Variants in FASTKD1 observed in about 807,000 individuals in gnomAD.
The protein encoded by FASTKD1 is FAST kinase domain-containing protein 1, mitochondrial.
In FASTKD1, 94 loss-of-function variants were observed where a neutral mutation model predicts 90.9. The observed-to-expected ratio is 1.03, with a 90% CI of 0.88 to 1.23. The LOEUF (loss-of-function observed/expected upper bound fraction) is 1.23. Ranked by LOEUF, FASTKD1 falls within the 50% of genes most tolerant of loss-of-function variation. The probability of loss-of-function intolerance (pLI) is 0.00; values close to 1 mark genes in which losing one functional copy is unlikely to be tolerated. For missense variants in FASTKD1, 945 were observed against 993.5 expected, an observed-to-expected ratio of 0.95 and a Z score of 0.66; for synonymous variants, 319 against 345.8, an observed-to-expected ratio of 0.92 and a Z score of 0.86.
chr2:169,552,654 A>T (rs1377281503), intron 7 of FASTKD1, among the ~76,000 whole-genome samples: 5 of 152,156 alleles, frequency 3.3e-5, no homozygotes, highest in Admixed American at 3.3e-4. Context: ...GGGAAAATAA[A>T]AAATTGTATA....
At chr2:169,568,070 G>A (rs1308888482) in intron 3 of FASTKD1, among the ~76,000 whole-genome samples, 7 of 152,098 alleles carry the variant, frequency 4.6e-5, no homozygotes, top group African/African-American at 7.2e-5. Flanking sequence ...GCTGAAAATA[G>A]AGCTGTGTAC....
intron 3 of FASTKD1, among the ~76,000 whole-genome samples, chr2:169,565,778 A>G (rs931983763): frequency 1.3e-5 from 2 of 152,186 alleles, no homozygotes; most frequent in Non-Finnish European, 2.9e-5. Flanking sequence ...TGTTCTCCAT[A>G]GAGCTTATAC....
chr2:169,554,833 T>G (rs1685671361), intron 7 of FASTKD1, among the ~76,000 whole-genome samples: 1 of 152,202 alleles, frequency 6.6e-6, no homozygotes, highest in South Asian at 2.1e-4. Flanking sequence ...TCCCAATCTT[T>G]TCATGGTGAC....
chr2:169,536,995 ATTT>A (rs769352998), intron 12 of FASTKD1: 14 of 239,854 alleles, frequency 5.8e-5, no homozygotes, highest in South Asian at 3.4e-4. Flanking sequence ...ACTGACCTTA[ATTT>A]TTTTTTTTTT....
intron 2 of FASTKD1, among the ~76,000 whole-genome samples, chr2:169,570,102 G>A (rs959950875): frequency 4.6e-5 from 7 of 151,942 alleles, no homozygotes; most frequent in Non-Finnish European, 8.8e-5. Context: ...CAACTTACAC[G>A]TCTCTAACTT....
chr2:169,556,750 G>C (rs181702628), intron 6 of FASTKD1, among the ~76,000 whole-genome samples: 1 of 151,966 alleles, frequency 6.6e-6, no homozygotes, highest in African/African-American at 2.4e-5. Context: ...GCTTGAACCC[G>C]TCTGGGGCAG....
Position 169,560,500 on chromosome 2 carries a change from A to T in FASTKD1, c.858T>A (p.Ile286=), listed in dbSNP as rs1683537469. 6.2e-7 allele frequency: 1 copy of T among 1,602,020 alleles called. No individual in the cohort carries two copies. Among genetic ancestry groups the T allele is most frequent in the Non-Finnish European group, 8.5e-7 (1 of 1,174,230 alleles). ...KFLQFNSFEF[I]IMAKKKLTEM... ...CAGTTAGCTTCTTTTTAGCCATTATAATAAATTCAAAACTATTAAATTGTA... is the reference window on the plus strand; with the variant it reads ...CAGTTAGCTTCTTTTTAGCCATTATTATAAATTCAAAACTATTAAATTGTA... The change falls in exon 5 of 15, where the codon ATT becomes ATA. Residue 286 remains isoleucine (I), a synonymous_variant. Transcript: ENST00000453153.
At chr2:169,532,523 A>C (rs556455039) in intron 12 of FASTKD1, among the ~76,000 whole-genome samples, 1 of 151,488 alleles carries the variant, frequency 6.6e-6, no homozygotes, top group Non-Finnish European at 1.5e-5. Flanking sequence ...GAAAAACCTA[A>C]AAAAAAAACC....
At chr2:169,534,530 G>A (rs1684642589) in intron 12 of FASTKD1, among the ~76,000 whole-genome samples, 1 of 148,412 alleles carries the variant, frequency 6.7e-6, no homozygotes, top group African/African-American at 2.5e-5. Context: ...CACGATCCCG[G>A]CTCACTGCAA....
rs753928365 is a variant in FASTKD1 at position 169,530,598 on chromosome 2, G to A, written c.2431C>T (p.Arg811Cys). ...TGAGTATTTCATACCTGAATTACAC[G>A]ATACCCCAGAATTTCCAAATGTCGT... ...KKRHLEILGYRVIQISQFEWN... is the reference protein window; with the variant it reads ...KKRHLEILGYCVIQISQFEWN... The change falls in exon 14 of 15, where the codon CGT (arginine) becomes TGT (cysteine). Residue 811 changes from arginine to cysteine, a missense_variant. Physicochemically the swap from Arg to Cys is radical, Grantham distance 180. Transcript: ENST00000453153. 8 of 1,599,024 alleles carry A rather than the reference G, an allele frequency of 5.0e-6. No homozygotes were observed. The highest frequency in any genetic ancestry group is 2.2e-5 in the East Asian group (1 of 44,598).
At position 169,572,776 on chromosome 2, in the gene FASTKD1, T is replaced by C. The variant is rs190508650; in HGVS notation, c.-142-605A>G. Among the ~76,000 whole-genome samples the C allele has an allele frequency of 2.9e-3, 436 of 152,222 alleles. 3 individuals carry two copies. Among genetic ancestry groups the C allele is most frequent in the African/African-American group, 9.8e-3 (407 of 41,552 alleles). On this transcript the variant is annotated intron_variant, in intron 1 of 14. Coordinates refer to ENST00000453153, the MANE Select transcript of FASTKD1 (RefSeq NM_024622.6). ...AATCAAGAAATACTAAGAAATTAAG[T>C]AATGTTTCAAGTCATGCTGAAACAA...
intron 3 of FASTKD1, among the ~76,000 whole-genome samples, chr2:169,566,702 AC>A (rs1416637571): frequency 6.6e-6 from 1 of 152,194 alleles, no homozygotes; most frequent in Non-Finnish European, 1.5e-5. Context: ...ACAGAGCCAA[AC>A]CCTATCCCAA....
At chr2:169,560,351 C>A in intron 5 of FASTKD1, 36 bp downstream of exon 5, 1 of 1,501,188 alleles carries the variant, frequency 6.7e-7, no homozygotes, top group Non-Finnish European at 8.9e-7. Flanking sequence ...CACGTATTCA[C>A]AACAAAAAAA....
intron 7 of FASTKD1, among the ~76,000 whole-genome samples, chr2:169,551,279 C>T (rs180714450): frequency 1.9e-4 from 29 of 152,176 alleles, no homozygotes; most frequent in Admixed American, 1.8e-3. Flanking sequence ...TGATTACACT[C>T]GCTGGCACAC....
chr2:169,532,677 A>C (rs899823294), intron 12 of FASTKD1, among the ~76,000 whole-genome samples: 1 of 152,072 alleles, frequency 6.6e-6, no homozygotes, highest in Non-Finnish European at 1.5e-5. Flanking sequence ...GAAAAAAAAA[A>C]CTTATTCTCA....
chr2:169,547,601 G>A (rs1685261125), intron 7 of FASTKD1, among the ~76,000 whole-genome samples: 1 of 152,122 alleles, frequency 6.6e-6, no homozygotes, highest in South Asian at 2.1e-4. Context: ...GTTAATTTAA[G>A]AAGAGTTAGA....
intron 10 of FASTKD1, among the ~76,000 whole-genome samples, chr2:169,538,675 C>CAAAAAAAAAAA (rs35866271): frequency 1.1e-5 from 1 of 90,948 alleles, no homozygotes; most frequent in Non-Finnish European, 2.1e-5. Flanking sequence ...AACTCCGTCT[C>CAAAAAAAAAAA]AAAAAAAAAA....
intron 7 of FASTKD1, among the ~76,000 whole-genome samples, chr2:169,547,862 G>A (rs1309452108): frequency 9.4e-6 from 1 of 106,578 alleles, no homozygotes; most frequent in Non-Finnish European, 1.8e-5. Context: ...TCCAGCCTGG[G>A]CGACAGAGGA....
intron 8 of FASTKD1, 31 bp downstream of exon 8, chr2:169,546,187 A>C: frequency 6.6e-7 from 1 of 1,512,664 alleles, no homozygotes; most frequent in Non-Finnish European, 8.8e-7. Flanking sequence ...TGACAACTCT[A>C]TAAAATTAAT....
Sources: gnomAD v4.1 joint callset for allele counts (sites outside exome capture counted in the v4.1 genomes callset) on GRCh38, gnomAD v4.1.1 for gene constraint, MANE v1.5 for transcripts, NCBI Gene and HGNC (gene_info 2026-07-23, HGNC 2026-07-21) for gene names.